Variants in HHIP observed in about 807,000 individuals in gnomAD.
HHIP encodes hedgehog-interacting protein.
Under a neutral mutation model 74.0 loss-of-function variants are expected in HHIP, and 12 were observed. That is an observed-to-expected ratio of 0.16 (90% CI 0.10 to 0.26). The LOEUF (loss-of-function observed/expected upper bound fraction) is 0.26, where lower values mean the gene tolerates loss of function less well. Among genes scored for constraint, HHIP ranks in the 10% least tolerant of loss-of-function variants. The pLI, the probability that HHIP is intolerant of heterozygous loss-of-function variation, is 1.00. For missense variants in HHIP, 788 were observed against 845.0 expected, an observed-to-expected ratio of 0.93 and a Z score of 0.84; for synonymous variants, 309 against 311.6, an observed-to-expected ratio of 0.99 and a Z score of 0.09.
chr4:144,685,667 CA>C, intron 4 of HHIP: 1 of 151,692 alleles, frequency 6.6e-6, no homozygotes. Context: ...AAACAACTAC[CA>C]ATAAAAGAAA....
intron 4 of HHIP, among the ~76,000 whole-genome samples, chr4:144,678,398 T>A (rs935855436): frequency 2.0e-5 from 3 of 152,192 alleles, no homozygotes; most frequent in Admixed American, 6.5e-5. Flanking sequence ...TGACTTTTTT[T>A]ATTATTATTA....
chr4:144,676,665 G>A (rs1729179114), intron 4 of HHIP, among the ~76,000 whole-genome samples: 1 of 152,204 alleles, frequency 6.6e-6, no homozygotes, highest in South Asian at 2.1e-4. Context: ...CTAGAATGTG[G>A]AAGGTAGTTT....
At chr4:144,666,498 T>C (rs1277000348) in intron 4 of HHIP, among the ~76,000 whole-genome samples, 1 of 152,126 alleles carries the variant, frequency 6.6e-6, no homozygotes, top group African/African-American at 2.4e-5. Context: ...GGTGTTAATA[T>C]CCCTTTTCAC....
At position 144,742,988 on chromosome 4, in the gene HHIP, A is replaced by T. The variant is rs75612995; in HGVS notation, c.*5031A>T. On this transcript the variant is annotated 3_prime_UTR_variant, in exon 13 of 13. Transcript: ENST00000296575. Reference sequence around the variant, plus strand: ...AGATATATGTATATATATATACATTATATATATATAATATATATATATTAT... The same window carrying T: ...AGATATATGTATATATATATACATTTTATATATATAATATATATATATTAT... 0.014 allele frequency: 12 copies of T among 864 alleles called. No homozygotes were observed. Among genetic ancestry groups the T allele is most frequent in the Admixed American group, 0.083 (1 of 12 alleles). 0.1% of individuals were successfully genotyped at this position (864 alleles called of 1,614,324 possible). A position where few individuals can be genotyped will look rare whatever the true frequency, so the allele number is the denominator to read the frequency against.
intron 4 of HHIP, among the ~76,000 whole-genome samples, chr4:144,695,025 T>C (rs1729774115): frequency 6.6e-6 from 1 of 151,858 alleles, no homozygotes; most frequent in Non-Finnish European, 1.5e-5. Context: ...AAAAAAGACA[T>C]TTCTTAGCCA....
intron 11 of HHIP, among the ~76,000 whole-genome samples, chr4:144,725,751 C>T (rs1200046048): frequency 6.6e-6 from 1 of 152,072 alleles, no homozygotes; most frequent in African/African-American, 2.4e-5. Flanking sequence ...TCACTGCAAC[C>T]TCTGCCTCCC....
chr4:144,684,836 A>G (rs1321003464), intron 4 of HHIP, among the ~76,000 whole-genome samples: 3 of 152,090 alleles, frequency 2.0e-5, no homozygotes, highest in Non-Finnish European at 4.4e-5. Flanking sequence ...TCAACTCTAA[A>G]TGACTTGTGT....
intron 4 of HHIP, among the ~76,000 whole-genome samples, chr4:144,701,911 A>T (rs1379215367): frequency 6.6e-6 from 1 of 152,206 alleles, no homozygotes; most frequent in Non-Finnish European, 1.5e-5. Flanking sequence ...AAAAAAACTA[A>T]CTGTAACCAC....
At chr4:144,719,898 A>G (rs1484977470) in intron 11 of HHIP, among the ~76,000 whole-genome samples, 3 of 152,238 alleles carry the variant, frequency 2.0e-5, no homozygotes, top group Non-Finnish European at 4.4e-5. Flanking sequence ...AAGTTTACTA[A>G]GGGCACTTTA....
At chr4:144,736,055 A>T (rs1044899624) in intron 12 of HHIP, among the ~76,000 whole-genome samples, 7 of 151,952 alleles carry the variant, frequency 4.6e-5, no homozygotes, top group African/African-American at 1.7e-4. Flanking sequence ...TCAGTATTCA[A>T]ATGTAATGAT....
chr4:144,646,316 A>C lies in HHIP; in HGVS notation c.-360A>C. On this transcript the variant is annotated 5_prime_UTR_variant, in exon 1 of 13. Coordinates refer to ENST00000296575, the MANE Select transcript of HHIP (RefSeq NM_022475.3). The stretch of plus-strand genomic sequence containing the variant: ...CAACTCCCGTTACACGGACAAGTGA[A>C]CATCTGTGGCTGTCCTCTCCTTTTC... 4.8e-6 allele frequency: 1 copy of C among 207,286 alleles called. No homozygotes were observed. Among genetic ancestry groups the C allele is most frequent in the Non-Finnish European group, 9.6e-6 (1 of 103,738 alleles). 12.8% of individuals were successfully genotyped at this position (207,286 alleles called of 1,614,324 possible). A position where few individuals can be genotyped will look rare whatever the true frequency, so the allele number is the denominator to read the frequency against.
intron 11 of HHIP, among the ~76,000 whole-genome samples, chr4:144,724,965 G>C (rs990082270): frequency 2.6e-5 from 4 of 151,742 alleles, no homozygotes; most frequent in Non-Finnish European, 5.9e-5. Context: ...TTCAAAGTGA[G>C]ACTTATATAT....
intron 4 of HHIP, 152 bp from the exon 5 acceptor site, chr4:144,706,379 T>A (rs1730135390): frequency 1.7e-6 from 1 of 601,126 alleles, no homozygotes; most frequent in Non-Finnish European, 2.9e-6. Flanking sequence ...TGTTTTATAA[T>A]CCTTTTTTGT....
intron 11 of HHIP, among the ~76,000 whole-genome samples, chr4:144,722,618 C>T (rs1047664528): frequency 1.9e-4 from 29 of 152,042 alleles, no homozygotes; most frequent in African/African-American, 2.7e-4. Flanking sequence ...TTTGGGAGGC[C>T]GAGATGGGAG....
intron 4 of HHIP, among the ~76,000 whole-genome samples, 199 bp from the exon 5 acceptor site, chr4:144,706,325 ACAATTGT>A (rs1730134521): frequency 6.6e-6 from 1 of 152,212 alleles, no homozygotes; most frequent in South Asian, 2.1e-4. Context: ...ACCACACAAG[ACAATTGT>A]CTTGTTCTAA....
Position 144,674,632 on chromosome 4 carries a change from C to T in HHIP, c.831+14794C>T, listed in dbSNP as rs148080926. Among the ~76,000 whole-genome samples the T allele has an allele frequency of 3.8e-4, 58 of 152,208 alleles. 1 individual carries two copies. In the East Asian group the frequency reaches 9.8e-3, roughly 26 times the overall value. On this transcript the variant is annotated intron_variant, in intron 4 of 12. Transcript: ENST00000296575. ...ACGAATAAATCAATTAAAAAATATG[C>T]ATTCTGAAATTTAATTTGGTGAATA...
Position 144,708,215 on chromosome 4 carries a change from G to A in HHIP, c.1205G>A (p.Cys402Tyr). 6.2e-7 allele frequency: 1 copy of A among 1,614,094 alleles called. No homozygotes were observed. The highest frequency in any genetic ancestry group is 2.2e-5 in the East Asian group (1 of 44,870). ...VLRLDVDTDM[C>Y]NVPYSIPRSN... ...CGGCTGGATGTGGACACAGACATGT[G>A]CAACGTGCCTTATTCCATACCAAGG... The change falls in exon 7 of 13, where the codon TGC becomes TAC. Residue 402 changes from cysteine to tyrosine, a missense_variant. This residue lies in a region of HHIP where 72 missense variants were observed against 130.6 expected (regional missense o/e 0.55). Transcript: ENST00000296575.
Position 144,742,141 on chromosome 4 carries a change from G to A in HHIP, c.*4184G>A, listed in dbSNP as rs1731276414. On this transcript the variant is annotated 3_prime_UTR_variant, in exon 13 of 13. Coordinates refer to ENST00000296575, the MANE Select transcript of HHIP (RefSeq NM_022475.3). The stretch of plus-strand genomic sequence containing the variant: ...ACTTCCCTCTCCTACATTTTCTATT[G>A]GTTTTGCCTAAATAGACATGTTCTC... 6.6e-6 allele frequency: 1 copy of A among 151,080 alleles called. No individual in the cohort carries two copies. The highest frequency in any genetic ancestry group is 1.9e-4 in the East Asian group (1 of 5,160). The allele number at this position is 151,080 out of a possible 1,614,324, so 9.4% of individuals were successfully genotyped here.
rs562401394 is a variant in HHIP at position 144,665,305 on chromosome 4, G to A, written c.831+5467G>A. The stretch of plus-strand genomic sequence containing the variant: ...GCTGTTCTCAAACTCCTGGACTCAA[G>A]CAATGCACCTGCCTCAGCCTCCCAA... On this transcript the variant is annotated intron_variant, in intron 4 of 12. Coordinates refer to ENST00000296575, the MANE Select transcript of HHIP (RefSeq NM_022475.3). 7.2e-5 allele frequency among the ~76,000 whole-genome samples: 11 copies of A among 152,274 alleles called. No homozygotes were observed. The East Asian group carries it at 1.9e-3, about 27-fold the overall frequency.
Sources: gnomAD v4.1 joint callset for allele counts (sites outside exome capture counted in the v4.1 genomes callset) on GRCh38, gnomAD v4.1.1 for gene constraint, gnomAD v4.1.1 regional missense constraint, MANE v1.5 for transcripts, NCBI Gene and HGNC (gene_info 2026-07-23, HGNC 2026-07-21) for gene names.